Variants in RGS22 observed in about 807,000 individuals in gnomAD.
The protein encoded by RGS22 is regulator of G-protein signaling 22.
In RGS22, 148 loss-of-function variants were observed where a neutral mutation model predicts 172.9. The observed-to-expected ratio is 0.86, with a 90% CI of 0.75 to 0.98. RGS22 has a LOEUF of 0.98. Ranked by LOEUF, RGS22 falls within the 50% of genes least tolerant of loss-of-function variation. RGS22 has a pLI of 0.00. For synonymous variants in RGS22, 458 were observed against 480.2 expected (o/e 0.95, Z 0.60); for missense variants, 1,347 against 1,440.8 (o/e 0.93, Z 1.05).
chr8:99,997,123 G>A (rs1212638626), intron 19 of RGS22, among the ~76,000 whole-genome samples: 1 of 152,118 alleles, frequency 6.6e-6, no homozygotes, highest in East Asian at 1.9e-4. Context: ...TGGGTTCCTA[G>A]GGCTGTCCTG....
At chr8:99,998,139 A>T (rs1814591564) in intron 19 of RGS22, among the ~76,000 whole-genome samples, 1 of 152,152 alleles carries the variant, frequency 6.6e-6, no homozygotes, top group Non-Finnish European at 1.5e-5. Context: ...TTCTTCTCCC[A>T]TTTGATATTG....
chr8:99,976,726 G>C (rs541849862), intron 23 of RGS22, among the ~76,000 whole-genome samples: 2 of 152,210 alleles, frequency 1.3e-5, no homozygotes, highest in South Asian at 4.1e-4. Flanking sequence ...CCTAGATATA[G>C]GGAGGGTTAT....
At chr8:100,022,386 A>C (rs1174724544) in intron 14 of RGS22, among the ~76,000 whole-genome samples, 1 of 152,238 alleles carries the variant, frequency 6.6e-6, no homozygotes, top group Non-Finnish European at 1.5e-5. Context: ...ACAGAGTAAA[A>C]AATCAGAAGG....
chr8:99,995,077 A>C (rs1374223445), intron 20 of RGS22, among the ~76,000 whole-genome samples: 2 of 152,210 alleles, frequency 1.3e-5, no homozygotes, highest in Non-Finnish European at 2.9e-5. Flanking sequence ...AGAAAGCTGA[A>C]ACTCAATCCC....
chr8:100,062,886 C>T, intron 8 of RGS22, 134 bp from the exon 9 acceptor site: 3 of 697,508 alleles, frequency 4.3e-6, no homozygotes, highest in Non-Finnish European at 7.1e-6. Context: ...TAAGGTTCTT[C>T]AACTTACAGT....
chr8:100,018,737 A>G (rs767850068), intron 14 of RGS22, among the ~76,000 whole-genome samples: 4 of 152,196 alleles, frequency 2.6e-5, no homozygotes, highest in Non-Finnish European at 4.4e-5. Flanking sequence ...TATTTTTCCA[A>G]CATTATGATA....
chr8:100,083,836 T>C (rs1282271876), intron 3 of RGS22, among the ~76,000 whole-genome samples: 2 of 150,518 alleles, frequency 1.3e-5, no homozygotes, highest in African/African-American at 4.9e-5. Context: ...TTTTCTTTTT[T>C]TTTTTTTTTT....
chr8:99,990,988 T>G, intron 20 of RGS22, among the ~76,000 whole-genome samples: 1 of 152,028 alleles, frequency 6.6e-6, no homozygotes, highest in South Asian at 2.1e-4. Flanking sequence ...GGAGTGGAGC[T>G]CCAACAAACT....
intron 21 of RGS22, among the ~76,000 whole-genome samples, chr8:99,983,481 G>T (rs774540617): frequency 6.6e-6 from 1 of 151,972 alleles, no homozygotes; most frequent in South Asian, 2.1e-4. Flanking sequence ...TTTTCTGACC[G>T]TTTAATAATA....
At chr8:99,972,951 G>A (rs1024992909) in intron 23 of RGS22, among the ~76,000 whole-genome samples, 8 of 146,556 alleles carry the variant, frequency 5.5e-5, no homozygotes, top group Non-Finnish European at 1.0e-4. Flanking sequence ...GGAGAATGGT[G>A]TGAACTCGGG....
chr8:100,071,047 C>T (rs913982837), intron 6 of RGS22, among the ~76,000 whole-genome samples: 2 of 152,246 alleles, frequency 1.3e-5, no homozygotes, highest in African/African-American at 4.8e-5. Context: ...CTTTGGGAGG[C>T]GGAGGTGAGT....
Position 100,021,938 on chromosome 8 carries a change from T to C in RGS22, c.2167-13369A>G, listed in dbSNP as rs139288626. On this transcript the variant is annotated intron_variant, in intron 14 of 27. Coordinates refer to ENST00000360863, the MANE Select transcript of RGS22 (RefSeq NM_015668.5). ...CTAGCAGGCATAGAACATTATTATCTGAGTTCATATGCGGCAGAAAAAGAA... is the reference window on the plus strand; with the variant it reads ...CTAGCAGGCATAGAACATTATTATCCGAGTTCATATGCGGCAGAAAAAGAA... 1.6e-4 allele frequency among the ~76,000 whole-genome samples: 24 copies of C among 152,304 alleles called. No individual in the cohort carries two copies. The East Asian group carries it at 4.2e-3, about 27-fold the overall frequency.
chr8:99,978,078 G>T lies in RGS22; in HGVS notation c.3361-3C>A, dbSNP rs552437021. 3.3e-6 allele frequency: 5 copies of T among 1,493,064 alleles called. No individual in the cohort carries two copies. Among genetic ancestry groups the T allele is most frequent in the Non-Finnish European group, 4.4e-6 (5 of 1,128,114 alleles). The allele number at this position is 1,493,064 out of a possible 1,614,324, so 92.5% of individuals were successfully genotyped here. A position where few individuals can be genotyped will look rare whatever the true frequency, so the allele number is the denominator to read the frequency against. Reference sequence around the variant, plus strand: ...AACAGAACCCCAAAAATTGTCATCTGTATAAAAAAAAGTCTAAGATTACAA... The same window carrying T: ...AACAGAACCCCAAAAATTGTCATCTTTATAAAAAAAAGTCTAAGATTACAA... On this transcript the variant is annotated splice_region_variant and splice_polypyrimidine_tract_variant and intron_variant, in intron 22 of 27. Coordinates refer to ENST00000360863, the MANE Select transcript of RGS22 (RefSeq NM_015668.5).
intron 12 of RGS22, among the ~76,000 whole-genome samples, chr8:100,040,903 T>A (rs1378626475): frequency 6.6e-6 from 1 of 152,144 alleles, no homozygotes; most frequent in African/African-American, 2.4e-5. Context: ...CTAAACAAAT[T>A]CTGAAGTGAG....
intron 2 of RGS22, among the ~76,000 whole-genome samples, chr8:100,104,358 GTGTA>G (rs1489911431): frequency 7.7e-6 from 1 of 129,654 alleles, no homozygotes; most frequent in South Asian, 2.3e-4. Context: ...GTGTGTGTGT[GTGTA>G]TTTTTTTTTT....
rs993516236 is a variant in RGS22, at chr8:100,105,903, T to C, written c.19A>G (p.Thr7Ala). MPEKRL[T>A]AEPPTITEEE... ...CTGTGGGGCCGCCACCTACCCGCGG[T>C]GAGCCTCTTCTCGGGCATGCCGTCC... The change falls in exon 1 of 28, where the codon ACC (threonine) becomes GCC (alanine). Residue 7 changes from threonine (T) to alanine (A), a missense_variant. Thr to Ala is a moderately conservative substitution (Grantham distance 58). Transcript: ENST00000360863. 1.3e-5 allele frequency: 20 copies of C among 1,500,180 alleles called. No individual in the cohort carries two copies. The highest frequency in any genetic ancestry group is 4.6e-4 in the Middle Eastern group (2 of 4,392). The allele number at this position is 1,500,180 out of a possible 1,614,324, so 92.9% of individuals were successfully genotyped here.
At chr8:99,970,887 G>T (rs960031912) in intron 23 of RGS22, among the ~76,000 whole-genome samples, 2 of 152,188 alleles carry the variant, frequency 1.3e-5, no homozygotes, top group Non-Finnish European at 2.9e-5. Context: ...TATGAGGCCA[G>T]CATCATCCTG....
chr8:100,013,771 G>A (rs1040890845), intron 14 of RGS22, among the ~76,000 whole-genome samples: 1 of 151,856 alleles, frequency 6.6e-6, no homozygotes, highest in African/African-American at 2.4e-5. Flanking sequence ...GGTTATTCTC[G>A]TCCTCTAAAT....
At chr8:100,101,901 A>C (rs1011781650) in intron 2 of RGS22, among the ~76,000 whole-genome samples, 2 of 152,026 alleles carry the variant, frequency 1.3e-5, no homozygotes, top group African/African-American at 4.8e-5. Flanking sequence ...ATAAAATAAT[A>C]AAATATTTTT....
Sources: allele counts gnomAD v4.1 joint callset (sites outside exome capture counted in the v4.1 genomes callset), GRCh38; gene constraint gnomAD v4.1.1; transcripts MANE v1.5; gene names NCBI Gene and HGNC (gene_info 2026-07-23, HGNC 2026-07-21).